Variants in PPP2R2B observed in about 807,000 individuals in gnomAD.
PPP2R2B encodes the protein protein phosphatase 2 regulatory subunit Bbeta.
In PPP2R2B, 5 loss-of-function variants were observed where a neutral mutation model predicts 46.0. The observed-to-expected ratio is 0.11, with a 90% CI of 0.06 to 0.23. The LOEUF (loss-of-function observed/expected upper bound fraction) is 0.23. Ranked by LOEUF, PPP2R2B falls within the 10% of genes least tolerant of loss-of-function variation. The pLI, the probability that PPP2R2B is intolerant of heterozygous loss-of-function variation, is 1.00. For missense variants in PPP2R2B, 367 were observed against 575.0 expected (o/e 0.64, Z 3.70); for synonymous variants, 215 against 206.7 (o/e 1.04, Z -0.34).
chr5:146,739,329 T>A (rs1488039926), intron 2 of PPP2R2B, among the ~76,000 whole-genome samples: 3 of 152,132 alleles, frequency 2.0e-5, no homozygotes, highest in African/African-American at 7.2e-5. Context: ...AAGAAGTGCA[T>A]CTAAATGGAA....
intron 5 of PPP2R2B, among the ~76,000 whole-genome samples, chr5:146,679,930 CT>C (rs1554123493): frequency 1.3e-5 from 1 of 76,556 alleles, no homozygotes; most frequent in Non-Finnish European, 2.5e-5. Flanking sequence ...AATAGGAACA[CT>C]TTTACACTGT....
chr5:146,975,267 T>C (rs1459702651), intron 1 of PPP2R2B, among the ~76,000 whole-genome samples: 1 of 152,188 alleles, frequency 6.6e-6, no homozygotes, highest in Non-Finnish European at 1.5e-5. Flanking sequence ...GCATTTTTCT[T>C]TTTGTCATTG....
intron 2 of PPP2R2B, among the ~76,000 whole-genome samples, chr5:146,791,421 G>A (rs1030765986): frequency 6.6e-6 from 1 of 151,698 alleles, no homozygotes; most frequent in Non-Finnish European, 1.5e-5. Context: ...GTGTGTGCAC[G>A]TGTGCGTGTG....
intron 7 of PPP2R2B, among the ~76,000 whole-genome samples, chr5:146,626,120 G>A (rs1774042837): frequency 1.3e-5 from 2 of 151,336 alleles, no homozygotes; most frequent in Admixed American, 1.3e-4. Context: ...TGGTAAGTTA[G>A]TGTTGTTTTA....
At chr5:146,686,266 TG>T (rs981672391) in intron 5 of PPP2R2B, among the ~76,000 whole-genome samples, 2 of 152,174 alleles carry the variant, frequency 1.3e-5, no homozygotes, top group Non-Finnish European at 2.9e-5. Flanking sequence ...TACAGTTTAC[TG>T]GGGGTGAAGA....
intron 2 of PPP2R2B, among the ~76,000 whole-genome samples, chr5:146,803,041 G>A (rs1756959829): frequency 6.6e-6 from 1 of 152,142 alleles, no homozygotes; most frequent in African/African-American, 2.4e-5. Context: ...GGGACAAGAG[G>A]AGTGAAATTC....
At chr5:146,876,252 G>A (rs897168302) in intron 2 of PPP2R2B, among the ~76,000 whole-genome samples, 7 of 152,000 alleles carry the variant, frequency 4.6e-5, no homozygotes, top group Admixed American at 3.3e-4. Flanking sequence ...TAAGAACAAC[G>A]GTAATATCCA....
chr5:146,795,739 A>G (rs765324127), intron 2 of PPP2R2B, among the ~76,000 whole-genome samples: 1 of 152,166 alleles, frequency 6.6e-6, no homozygotes, highest in Non-Finnish European at 1.5e-5. Flanking sequence ...TCATTTCACT[A>G]GGTATAGTAT....
intron 1 of PPP2R2B, among the ~76,000 whole-genome samples, chr5:146,998,113 C>T (rs368260233): frequency 3.9e-5 from 6 of 152,210 alleles, no homozygotes; most frequent in African/African-American, 1.2e-4. Context: ...CTTCACTTTA[C>T]ATACCCCATA....
At chr5:146,908,782 C>G (rs1031339757) in intron 1 of PPP2R2B, among the ~76,000 whole-genome samples, 4 of 150,536 alleles carry the variant, frequency 2.7e-5, no homozygotes, top group Admixed American at 2.6e-4. Context: ...TCCCGCCCTC[C>G]CTTCCTCCCT....
rs968564824 is a variant in PPP2R2B at position 146,943,033 on chromosome 5, G to A, written c.79+112632C>T. Among the ~76,000 whole-genome samples, 4 of 152,090 alleles carry A rather than the reference G, an allele frequency of 2.6e-5. No homozygotes were observed. The East Asian group carries it at 5.8e-4, about 22-fold the overall frequency. On this transcript the variant is annotated intron_variant, in intron 1 of 8. Coordinates refer to the PPP2R2B transcript ENST00000336640. ...AGGATGGTCTCGATCTCCTGAACTC[G>A]TGATCCGCCCACCTGGGCCTCCCAA...
At chr5:146,640,410 A>T (rs1775123893) in intron 6 of PPP2R2B, among the ~76,000 whole-genome samples, 1 of 152,242 alleles carries the variant, frequency 6.6e-6, no homozygotes, top group Admixed American at 6.5e-5. Flanking sequence ...GCTGTGGAGC[A>T]AGAGCCTGTG....
chr5:146,736,287 T>C (rs1752533300), intron 2 of PPP2R2B, among the ~76,000 whole-genome samples: 1 of 152,170 alleles, frequency 6.6e-6, no homozygotes, highest in South Asian at 2.1e-4. Context: ...AAGTTACCCA[T>C]TCTTGGGTAT....
intron 9 of PPP2R2B, 147 bp downstream of exon 9, chr5:146,592,824 G>T: frequency 1.4e-6 from 1 of 696,798 alleles, no homozygotes; most frequent in Non-Finnish European, 2.5e-6. Context: ...TGACTTCAAG[G>T]GTCACTAGGG....
At chr5:146,814,750 C>G (rs1011529945) in intron 2 of PPP2R2B, among the ~76,000 whole-genome samples, 13 of 152,204 alleles carry the variant, frequency 8.5e-5, no homozygotes, top group Non-Finnish European at 4.4e-5. Flanking sequence ...CTCATGCAGA[C>G]AGCCCACCCC....
chr5:146,680,310 C>G (rs993811261), intron 5 of PPP2R2B, among the ~76,000 whole-genome samples: 6 of 150,406 alleles, frequency 4.0e-5, no homozygotes, highest in Admixed American at 4.0e-4. Context: ...AAACCAAACA[C>G]CGCATATTCT....
intron 2 of PPP2R2B, among the ~76,000 whole-genome samples, chr5:146,810,525 C>T (rs143755724): frequency 6.6e-6 from 1 of 152,128 alleles, no homozygotes; most frequent in Admixed American, 6.5e-5. Flanking sequence ...CCAAACCATA[C>T]CAGATGCGGA....
At chr5:146,728,509 T>C (rs2151202427) in intron 2 of PPP2R2B, among the ~76,000 whole-genome samples, 1 of 152,318 alleles carries the variant, frequency 6.6e-6, no homozygotes, top group South Asian at 2.1e-4. Flanking sequence ...CTCCACATCC[T>C]GTTGGTTAAT....
intron 2 of PPP2R2B, among the ~76,000 whole-genome samples, chr5:146,854,319 T>C (rs972678578): frequency 4.6e-5 from 7 of 152,204 alleles, no homozygotes; most frequent in African/African-American, 1.4e-4. Flanking sequence ...TACATATTTA[T>C]GGGGTACATG....
Sources: gnomAD v4.1 joint callset for allele counts (sites outside exome capture counted in the v4.1 genomes callset) on GRCh38, gnomAD v4.1.1 for gene constraint, MANE v1.5 for transcripts, NCBI Gene and HGNC (gene_info 2026-07-23, HGNC 2026-07-21) for gene names.